Variants in PCDHA8 observed in about 807,000 individuals in gnomAD.
PCDHA8 encodes the protein protocadherin alpha 8.
PCDHA8 carries 53 observed loss-of-function variants against 61.8 expected under a neutral mutation model. The observed-to-expected ratio is 0.86, with a 90% CI of 0.69 to 1.08. The LOEUF (loss-of-function observed/expected upper bound fraction) is 1.08. Ranked by LOEUF, PCDHA8 falls within the 50% of genes least tolerant of loss-of-function variation. The pLI, the probability that PCDHA8 is intolerant of heterozygous loss-of-function variation, is 0.00. For missense variants in PCDHA8, 1,293 were observed against 1,245.0 expected, an observed-to-expected ratio of 1.04 and a Z score of -0.58; for synonymous variants, 618 against 556.6, an observed-to-expected ratio of 1.11 and a Z score of -1.55.
In PCDHA8 at chr5:140,855,835, T is replaced by C. The variant is rs1165073969; in HGVS notation, c.2394+12120T>C. On this transcript the variant is annotated intron_variant, in intron 1 of 3. Transcript: ENST00000531613. ...AGTTGTGAACTCATGGAATCGTACT[T>C]ACACCTAAAGCCACCGGATGTCGCT... The C allele has an allele frequency of 6.7e-5, 40 of 599,476 alleles. 4 individuals carry two copies. The highest frequency in any genetic ancestry group is 1.1e-4 in the Non-Finnish European group (39 of 347,470). 37.1% of individuals were successfully genotyped at this position (599,476 alleles called of 1,614,324 possible). A position where few individuals can be genotyped will look rare whatever the true frequency, so the allele number is the denominator to read the frequency against.
chr5:140,846,564 C>T (rs2150392370), intron 1 of PCDHA8, among the ~76,000 whole-genome samples: 5 of 147,896 alleles, frequency 3.4e-5, no homozygotes, highest in African/African-American at 5.0e-5. Context: ...TTAGTAGAGT[C>T]GGGGTTTCAC....
rs144735555 is a variant in PCDHA8 at position 140,884,569 on chromosome 5, G to C, written c.2394+40854G>C. The stretch of plus-strand genomic sequence containing the variant: ...GCTCTGGGGAGGGCCCGCATAAGAC[G>C]GACCTCATGGCCTTCAGTCCCAGCC... On this transcript the variant is annotated intron_variant, in intron 1 of 3. Transcript: ENST00000531613. 7 of 1,614,008 alleles carry C rather than the reference G, an allele frequency of 4.3e-6. No individual in the cohort carries two copies. In the African/African-American group the frequency reaches 8.0e-5, roughly 18 times the overall value.
rs2098331172 is a variant in PCDHA8, at chr5:141,007,465, G to A, written c.2543-2162G>A. Among the ~76,000 whole-genome samples, 5 of 151,906 alleles carry A rather than the reference G, an allele frequency of 3.3e-5. No individual in the cohort carries two copies. The South Asian group carries it at 1.0e-3, about 32-fold the overall frequency. ...TGCCTGTAGTCCCAGCTACTCAGGA[G>A]GCTGAGGCACGAGAATTACTTGGAC... On this transcript the variant is annotated intron_variant, in intron 3 of 3. Transcript: ENST00000531613.
At chr5:140,846,197 G>T (rs2150385759) in intron 1 of PCDHA8, among the ~76,000 whole-genome samples, 2 of 149,386 alleles carry the variant, frequency 1.3e-5, no homozygotes, top group African/African-American at 2.5e-5. Context: ...TTCTTTGTAT[G>T]TATGAGATCT....
chr5:140,877,014 C>T, intron 1 of PCDHA8: 4 of 1,612,440 alleles, frequency 2.5e-6, no homozygotes, highest in Non-Finnish European at 2.5e-6. Flanking sequence ...ACGCGGAGAG[C>T]GGCAAGGTGT....
intron 1 of PCDHA8, chr5:140,855,997 T>C (rs1562502842): frequency 1.3e-6 from 2 of 1,505,732 alleles, no homozygotes; most frequent in Non-Finnish European, 1.8e-6. Flanking sequence ...TCAGATCGTA[T>C]GTGCGTTCTA....
In PCDHA8 at chr5:140,937,639, A is replaced by G. The variant is rs140444916; in HGVS notation, c.2395-41310A>G. On this transcript the variant is annotated intron_variant, in intron 1 of 3. Transcript: ENST00000531613. ...CTAAAAAGAAAAAGAAAGGCAGGGC[A>G]TGGTGGCTCACGCCTGTAATCCCAG... is the stretch of plus-strand genomic sequence containing the variant. 9.3e-5 allele frequency among the ~76,000 whole-genome samples: 14 copies of G among 151,094 alleles called. No individual in the cohort carries two copies. In the East Asian group the frequency reaches 1.8e-3, roughly 20 times the overall value.
At chr5:140,879,910 T>C (rs2058174335) in intron 1 of PCDHA8, among the ~76,000 whole-genome samples, 1 of 152,194 alleles carries the variant, frequency 6.6e-6, no homozygotes, top group Non-Finnish European at 1.5e-5. Context: ...TCTCTATGTG[T>C]TGGTTTTACA....
chr5:141,002,497 CT>C (rs1310638544), intron 3 of PCDHA8, among the ~76,000 whole-genome samples: 1 of 152,204 alleles, frequency 6.6e-6, no homozygotes, highest in Non-Finnish European at 1.5e-5. Flanking sequence ...TGTTATACAG[CT>C]CAGGATCTGA....
chr5:140,869,323 C>G (rs1426806563), intron 1 of PCDHA8: 13 of 1,613,746 alleles, frequency 8.1e-6, no homozygotes, highest in Non-Finnish European at 1.0e-5. Flanking sequence ...ACATGGGGAC[C>G]TTCTGGAGGT....
chr5:140,916,003 A>G (rs971043760), intron 1 of PCDHA8, among the ~76,000 whole-genome samples: 1 of 152,146 alleles, frequency 6.6e-6, no homozygotes, highest in Non-Finnish European at 1.5e-5. Context: ...CACTCAAACC[A>G]CAAGACAAAG....
rs192756440 is a variant in PCDHA8, at chr5:140,876,883, G to C, written c.2394+33168G>C. On this transcript the variant is annotated intron_variant, in intron 1 of 3. Coordinates refer to ENST00000531613, the MANE Select transcript of PCDHA8 (RefSeq NM_018911.3). Reference sequence around the variant, plus strand: ...GTTCGTGAAGGAGAACAACCCGCCGGGCTGCCACATCTTCACGGTGTCGGC... The same window carrying C: ...GTTCGTGAAGGAGAACAACCCGCCGCGCTGCCACATCTTCACGGTGTCGGC... The C allele has an allele frequency of 2.2e-3, 3,631 of 1,614,132 alleles. 14 individuals are homozygous for C. Among genetic ancestry groups the C allele is most frequent in the Middle Eastern group, 9.1e-3 (55 of 6,048 alleles).
chr5:140,868,759 T>G, intron 1 of PCDHA8: 1 of 230,962 alleles, frequency 4.3e-6, no homozygotes, highest in Non-Finnish European at 8.5e-6. Context: ...TCCATATATA[T>G]TTAGTTTCAA....
chr5:140,846,369 CTTTCTTTTT>C lies in PCDHA8; in HGVS notation c.2394+2658_2394+2666del, dbSNP rs1780378875. Among the ~76,000 whole-genome samples the C allele has an allele frequency of 1.9e-4, 19 of 102,176 alleles. 2 individuals are homozygous for C. In the South Asian group the frequency reaches 2.3e-3, roughly 12 times the overall value. The allele number at this position is 102,176 out of a possible 152,430, so 67.0% of individuals were successfully genotyped here. On this transcript the variant is annotated intron_variant, in intron 1 of 3. Transcript: ENST00000531613. ...TTCTCTTTTTTCTTTTCTTTTCTTT[CTTTCTTTTT>C]TTTTTTTTTTTTTTGAGACGGAGTC...
chr5:140,963,288 G>A (rs908553196), intron 1 of PCDHA8, among the ~76,000 whole-genome samples: 2 of 152,126 alleles, frequency 1.3e-5, no homozygotes, highest in Non-Finnish European at 2.9e-5. Flanking sequence ...ATTTTATAAG[G>A]AGGAGAGAAA....
At chr5:140,849,904 C>A in intron 1 of PCDHA8, 1 of 1,598,318 alleles carries the variant, frequency 6.3e-7, no homozygotes, top group Non-Finnish European at 8.6e-7. Context: ...AACAACCCGC[C>A]GGGCTGCCAC....
intron 1 of PCDHA8, among the ~76,000 whole-genome samples, chr5:140,947,840 T>C (rs1554218335): frequency 6.6e-6 from 1 of 151,630 alleles, no homozygotes; most frequent in Non-Finnish European, 1.5e-5. Context: ...TAATATTTGT[T>C]TATTTATTTT....
chr5:140,871,309 C>G (rs1554165416), intron 1 of PCDHA8: 1 of 1,614,028 alleles, frequency 6.2e-7, no homozygotes. Flanking sequence ...GCCGGGGAAG[C>G]CCACGCTGGT....
chr5:140,929,465 A>G (rs2086179280), intron 1 of PCDHA8: 1 of 1,322,058 alleles, frequency 7.6e-7, no homozygotes, highest in African/African-American at 1.5e-5. Flanking sequence ...CTGTGCCAAG[A>G]AATCTGGAAG....
Sources: gnomAD v4.1 joint callset for allele counts (sites outside exome capture counted in the v4.1 genomes callset) on GRCh38, gnomAD v4.1.1 for gene constraint, MANE v1.5 for transcripts, NCBI Gene and HGNC (gene_info 2026-07-23, HGNC 2026-07-21) for gene names.